ABCA8: variants seen among roughly 807,000 people sequenced by gnomAD.
ABCA8 encodes the protein ABC-type organic anion transporter ABCA8.
ABCA8 carries 177 observed loss-of-function variants against 192.3 expected under a neutral mutation model. The ratio of observed to expected loss-of-function variants is 0.92; its 90% CI spans 0.81 to 1.04. The LOEUF is 1.04. Ranked by LOEUF, ABCA8 falls within the 50% of genes least tolerant of loss-of-function variation. The pLI, the probability that ABCA8 is intolerant of heterozygous loss-of-function variation, is 0.00. For missense variants in ABCA8, 1,915 were observed against 1,904.8 expected (o/e 1.01, Z -0.10); for synonymous variants, 642 against 690.2 (o/e 0.93, Z 1.09).
chr17:68,954,730 C>CT, intron 1 of ABCA8, among the ~76,000 whole-genome samples: 1 of 152,246 alleles, frequency 6.6e-6, no homozygotes, highest in South Asian at 2.1e-4. Flanking sequence ...TTCTTATAGA[C>CT]TAAGAGTGAG....
intron 2 of ABCA8, among the ~76,000 whole-genome samples, chr17:68,947,251 T>C (rs2068436447): frequency 2.6e-5 from 4 of 152,234 alleles, no homozygotes; most frequent in Admixed American, 2.6e-4. Flanking sequence ...TTATATCTAA[T>C]ATAATCTACT....
chr17:68,900,123 A>G (rs2066868269), intron 21 of ABCA8, among the ~76,000 whole-genome samples: 1 of 152,112 alleles, frequency 6.6e-6, no homozygotes, highest in Non-Finnish European at 1.5e-5. Context: ...AATGAGTGAC[A>G]TAGACAATAG....
chr17:68,877,065 G>A (rs2066227057), intron 33 of ABCA8: 1 of 176,254 alleles, frequency 5.7e-6, no homozygotes, highest in East Asian at 1.6e-4. Context: ...GTGCAGTGGT[G>A]TAATCTTGGC....
intron 1 of ABCA8, among the ~76,000 whole-genome samples, chr17:68,954,030 T>A (rs1158840000): frequency 1.3e-5 from 2 of 151,098 alleles, no homozygotes; most frequent in African/African-American, 4.9e-5. Context: ...GGAATTTCTT[T>A]TTTTTTTTTC....
In ABCA8 at chr17:68,929,148, C is replaced by A. The variant is rs201781578; in HGVS notation, c.1026G>T (p.Gly342=). The A allele has an allele frequency of 1.2e-6, 2 of 1,611,570 alleles. No individual in the cohort carries two copies. Among genetic ancestry groups the A allele is most frequent in the Non-Finnish European group, 1.7e-6 (2 of 1,178,606 alleles). Residue 342 remains glycine (G), a synonymous_variant, in exon 9 of 40, where the codon GGG becomes GGT. Coordinates refer to ENST00000586539, the MANE Select transcript of ABCA8 (RefSeq NM_001288985.2). The part of the protein sequence containing the change: ...LVVFLLTVFW[G]CLGFTSLYRH... Reference sequence around the variant, plus strand: ...TGTACAGTGATGTGAACCCCAGACACCCCCAAAAGACAGTGAGGAGGAACA... The same window carrying A: ...TGTACAGTGATGTGAACCCCAGACAACCCCAAAAGACAGTGAGGAGGAACA...
At chr17:68,907,953 G>A in intron 17 of ABCA8, 74 bp from the exon 18 acceptor site, 3 of 1,341,258 alleles carry the variant, frequency 2.2e-6, no homozygotes, top group Non-Finnish European at 3.0e-6. Flanking sequence ...TAATTAACTA[G>A]TCTCTATAGG....
rs2066364769 is a variant in ABCA8 at position 68,882,669 on chromosome 17, CCTT to C, written c.3755_3757del (p.Glu1252del). ...TTCCATCTGAACATCTTCATCCTCTCCTTCTGGTTCTTCTGGATTTTGACACAC... is the reference window on the plus strand; with the variant it reads ...TTCCATCTGAACATCTTCATCCTCTCCTGGTTCTTCTGGATTTTGACACAC... On this transcript the variant is annotated inframe_deletion, in exon 30 of 40. Coordinates refer to ENST00000586539, the MANE Select transcript of ABCA8 (RefSeq NM_001288985.2). The C allele has an allele frequency of 1.2e-6, 2 of 1,612,956 alleles. No individual in the cohort carries two copies. Among genetic ancestry groups the C allele is most frequent in the Non-Finnish European group, 8.5e-7 (1 of 1,179,400 alleles).
chr17:68,886,311 C>T (rs1271226833), intron 26 of ABCA8, among the ~76,000 whole-genome samples: 1 of 152,090 alleles, frequency 6.6e-6, no homozygotes, highest in Non-Finnish European at 1.5e-5. Context: ...GGACCATGGC[C>T]ATTGTGCACC....
chr17:68,918,602 T>A (rs1014727345), intron 14 of ABCA8, 56 bp from the exon 15 acceptor site: 8 of 1,424,304 alleles, frequency 5.6e-6, no homozygotes, highest in Non-Finnish European at 5.5e-6. Context: ...TTTTTAAAAA[T>A]TTATAAATAC....
chr17:68,921,259 G>A (rs568151570), intron 13 of ABCA8, 123 bp downstream of exon 13: 34 of 438,316 alleles, frequency 7.8e-5, no homozygotes, highest in Admixed American at 4.1e-4. Context: ...TAAATGACGC[G>A]TTAATGGGTG....
At chr17:68,919,153 T>C (rs948154522) in intron 14 of ABCA8, 148 bp downstream of exon 14, 47 of 691,888 alleles carry the variant, frequency 6.8e-5, no homozygotes, top group African/African-American at 6.6e-4. Flanking sequence ...GTAAATTATA[T>C]GCAATGTTAG....
chr17:68,948,936 G>A (rs1294354636), intron 2 of ABCA8, among the ~76,000 whole-genome samples: 6 of 152,050 alleles, frequency 3.9e-5, no homozygotes, highest in African/African-American at 7.3e-5. Context: ...TAAGGAAGGG[G>A]TCCAGTTTCA....
At chr17:68,935,417 A>C (rs898594548) in intron 5 of ABCA8, among the ~76,000 whole-genome samples, 5 of 151,050 alleles carry the variant, frequency 3.3e-5, no homozygotes, top group African/African-American at 4.9e-5. Flanking sequence ...ACGCCCGGCC[A>C]CTTTATCACA....
intron 21 of ABCA8, among the ~76,000 whole-genome samples, chr17:68,897,120 T>C (rs1371359617): frequency 3.9e-5 from 6 of 152,342 alleles, no homozygotes; most frequent in Admixed American, 3.3e-4. Flanking sequence ...GAGCAACTTA[T>C]GCATATGGGC....
Position 68,918,091 on chromosome 17 carries a change from A to G in ABCA8, c.2003T>C (p.Ile668Thr), listed in dbSNP as rs1391166535. ...ATCCATGAACTGGGTACTGAAGAGG[A>G]TCACGCGGTCTGTTTTGCGTTCTTT... ...LLKERKTDRV[I>T]LFSTQFMDEA... Residue 668 changes from isoleucine to threonine, a missense_variant, in exon 16 of 40, where the codon ATC becomes ACC. By Grantham distance (89) the Ile-to-Thr change is moderately conservative (BLOSUM62 -1). Coordinates refer to ENST00000586539, the MANE Select transcript of ABCA8 (RefSeq NM_001288985.2). 1.2e-6 allele frequency: 2 copies of G among 1,614,068 alleles called. No individual in the cohort carries two copies. Among genetic ancestry groups the G allele is most frequent in the Non-Finnish European group, 1.7e-6 (2 of 1,180,034 alleles).
chr17:68,895,127 A>G (rs1198301823), intron 21 of ABCA8, 114 bp from the exon 22 acceptor site: 1 of 778,774 alleles, frequency 1.3e-6, no homozygotes, highest in Non-Finnish European at 1.9e-6. Context: ...GACTGTCAGG[A>G]TATTTTCTAC....
Position 68,883,780 on chromosome 17 carries a change from T to C in ABCA8, c.3707+11A>G. On this transcript the variant is annotated intron_variant, in intron 29 of 39. Coordinates refer to ENST00000586539, the MANE Select transcript of ABCA8 (RefSeq NM_001288985.2). Reference sequence around the variant, plus strand: ...ATCAACAAAATAAAAATCTGATGTGTTTTTTCCAACCTAAAGAAAGGATCC... The same window carrying C: ...ATCAACAAAATAAAAATCTGATGTGCTTTTTCCAACCTAAAGAAAGGATCC... 1 of 1,528,092 alleles carries C rather than the reference T, an allele frequency of 6.5e-7. No individual in the cohort carries two copies. The highest frequency in any genetic ancestry group is 8.9e-7 in the Non-Finnish European group (1 of 1,124,870). The allele number at this position is 1,528,092 out of a possible 1,614,324, so 94.7% of individuals were successfully genotyped here. A position where few individuals can be genotyped will look rare whatever the true frequency, so the allele number is the denominator to read the frequency against.
intron 21 of ABCA8, among the ~76,000 whole-genome samples, chr17:68,899,606 A>C (rs2066856036): frequency 6.6e-6 from 1 of 152,142 alleles, no homozygotes; most frequent in South Asian, 2.1e-4. Context: ...ACAAAATAGC[A>C]CTGAAAAGTG....
intron 1 of ABCA8, among the ~76,000 whole-genome samples, chr17:68,954,788 C>T (rs1015352204): frequency 6.6e-6 from 1 of 152,090 alleles, no homozygotes; most frequent in Non-Finnish European, 1.5e-5. Context: ...GGTAAACAGT[C>T]TTAAAGTCAG....
Sources: allele counts gnomAD v4.1 joint callset (sites outside exome capture counted in the v4.1 genomes callset), GRCh38; gene constraint gnomAD v4.1.1; transcripts MANE v1.5; gene names NCBI Gene and HGNC (gene_info 2026-07-23, HGNC 2026-07-21).